ATP1A1: variants seen among roughly 807,000 people sequenced by gnomAD.
ATP1A1 encodes the protein ATPase Na+/K+ transporting subunit alpha 1, also known as sodium/potassium-transporting ATPase subunit alpha-1.
ATP1A1 carries 14 observed loss-of-function variants against 114.8 expected under a neutral mutation model. The ratio of observed to expected loss-of-function variants is 0.12; its 90% CI spans 0.08 to 0.19. The LOEUF (loss-of-function observed/expected upper bound fraction) is 0.19. Among genes scored for constraint, ATP1A1 ranks in the 10% least tolerant of loss-of-function variants. The pLI is 1.00. For synonymous variants in ATP1A1, 471 were observed against 466.3 expected, an observed-to-expected ratio of 1.01 and a Z score of -0.13; for missense variants, 524 against 1,290.7, an observed-to-expected ratio of 0.41 and a Z score of 9.10.
At position 116,399,562 on chromosome 1, in the gene ATP1A1, TGGG is replaced by T; in HGVS notation, c.2572+20_2572+22del. ...CAGATTGGTAAGCTGCAGCCTGGAG[TGGG>T]AAGCTGGCACATCTAAGGCATCTGA... On this transcript the variant is annotated intron_variant, in intron 18 of 22. Transcript: ENST00000295598. The surrounding 1 kb of genome is among the most constrained non-coding windows in gnomAD (Gnocchi z 5.0). 6.2e-7 allele frequency: 1 copy of T among 1,613,256 alleles called. No individual in the cohort carries two copies. The highest frequency in any genetic ancestry group is 8.5e-7 in the Non-Finnish European group (1 of 1,179,704).
At chr1:116,383,049 A>G (rs981701403) in intron 1 of ATP1A1, among the ~76,000 whole-genome samples, 1 of 152,180 alleles carries the variant, frequency 6.6e-6, no homozygotes, top group Non-Finnish European at 1.5e-5. Flanking sequence ...GGATTTTTCA[A>G]CAGGGGTGGG....
At chr1:116,391,791 T>C (rs1368569161) in intron 10 of ATP1A1, among the ~76,000 whole-genome samples, 1 of 152,170 alleles carries the variant, frequency 6.6e-6, no homozygotes, top group Non-Finnish European at 1.5e-5. Context: ...AAAGTGGAAA[T>C]GTTCTAGGCT....
chr1:116,402,680 C>T (rs1653597596), intron 21 of ATP1A1, among the ~76,000 whole-genome samples: 1 of 152,198 alleles, frequency 6.6e-6, no homozygotes, highest in Non-Finnish European at 1.5e-5. Flanking sequence ...TCTTCCTCTG[C>T]CTTTGTGTTT....
rs902298236 is a variant in ATP1A1, at chr1:116,395,838, G to A, written c.1836+553G>A. On this transcript the variant is annotated intron_variant, in intron 13 of 22. Coordinates refer to ENST00000295598, the MANE Select transcript of ATP1A1 (RefSeq NM_000701.8). This position sits in a 1 kb window ranked among gnomAD's most constrained non-coding sequence, Gnocchi z 6.4. ...ACGATCTCGGCTCACTGCAACCTCC[G>A]CCTCCCAGGTTCAAGCAATTCTCCT... is the stretch of plus-strand genomic sequence containing the variant. Among the ~76,000 whole-genome samples, 4 of 151,938 alleles carry A rather than the reference G, an allele frequency of 2.6e-5. No individual in the cohort carries two copies. Among genetic ancestry groups the A allele is most frequent in the Non-Finnish European group, 5.9e-5 (4 of 67,972 alleles).
At chr1:116,377,542 C>T (rs951411226) in intron 1 of ATP1A1, among the ~76,000 whole-genome samples, 1 of 152,224 alleles carries the variant, frequency 6.6e-6, no homozygotes, top group African/African-American at 2.4e-5. Context: ...AAGCAAATCT[C>T]CTGTTTAATA....
rs1350963255 is a variant in ATP1A1, at chr1:116,398,430, A to C, written c.2125-191A>C. On this transcript the variant is annotated intron_variant, in intron 15 of 22. Transcript: ENST00000295598. This position sits in a 1 kb window ranked among gnomAD's most constrained non-coding sequence, Gnocchi z 6.1. ...AATGCTGGGGGCTATGTTTGTTGTC[A>C]CTTCTCAGTTCTGTTATTTGGTGTA... Among the ~76,000 whole-genome samples, 3 of 152,076 alleles carry C rather than the reference A, an allele frequency of 2.0e-5. No homozygotes were observed. The highest frequency in any genetic ancestry group is 4.4e-5 in the Non-Finnish European group (3 of 68,014).
rs1252478023 is a variant in ATP1A1, at chr1:116,390,360, A to G, written c.1171A>G (p.Met391Val). The change falls in exon 9 of 23, where the codon ATG becomes GTG. Residue 391 changes from methionine to valine, a missense_variant. Around this residue, in one of 8 missense-constraint regions of ATP1A1, gnomAD observed 143 missense variants for 259.3 expected, o/e 0.55. Transcript: ENST00000295598. ...TCAGAACCGGATGACAGTGGCCCAC[A>G]TGTGGTTTGACAATCAAATCCATGA... Reference protein sequence around the residue: ...LTQNRMTVAHMWFDNQIHEAD... With the variant: ...LTQNRMTVAHVWFDNQIHEAD... 3 of 1,614,028 alleles carry G rather than the reference A, an allele frequency of 1.9e-6. No homozygotes were observed. Among genetic ancestry groups the G allele is most frequent in the South Asian group, 1.1e-5 (1 of 91,088 alleles).
Position 116,390,427 on chromosome 1 carries a change from CCA to C in ATP1A1, c.1222+22_1222+23del, listed in dbSNP as rs1376968315. 3 of 1,609,698 alleles carry C rather than the reference CCA, an allele frequency of 1.9e-6. No homozygotes were observed. Among genetic ancestry groups the C allele is most frequent in the Non-Finnish European group, 2.5e-6 (3 of 1,176,584 alleles). On this transcript the variant is annotated intron_variant, in intron 9 of 22. Transcript: ENST00000295598. ...AATCAGAGTGGTAAGGCCAGGGTTA[CCA>C]CACACCTCAGCCACCTGCTGACTTC...
chr1:116,403,819 A>G lies in ATP1A1; in HGVS notation c.2952-65A>G, dbSNP rs995342661. Reference sequence around the variant, plus strand: ...ATTTCATTGTCACTGGTGATGTGCAATTTCTCTTTCTTTATTTGAACTGTG... The same window carrying G: ...ATTTCATTGTCACTGGTGATGTGCAGTTTCTCTTTCTTTATTTGAACTGTG... On this transcript the variant is annotated intron_variant, in intron 21 of 22. Coordinates refer to ENST00000295598, the MANE Select transcript of ATP1A1 (RefSeq NM_000701.8). 4.7e-5 allele frequency: 66 copies of G among 1,404,836 alleles called. No homozygotes were observed. The Middle Eastern group carries it at 5.4e-4, about 12-fold the overall frequency. 87.0% of individuals were successfully genotyped at this position (1,404,836 alleles called of 1,614,324 possible). A position where few individuals can be genotyped will look rare whatever the true frequency, so the allele number is the denominator to read the frequency against.
Position 116,399,840 on chromosome 1 carries a change from A to C in ATP1A1, c.2572+297A>C, listed in dbSNP as rs1196039891. 1.3e-5 allele frequency among the ~76,000 whole-genome samples: 2 copies of C among 152,206 alleles called. No individual in the cohort carries two copies. Among genetic ancestry groups the C allele is most frequent in the African/African-American group, 4.8e-5 (2 of 41,452 alleles). On this transcript the variant is annotated intron_variant, in intron 18 of 22. Coordinates refer to ENST00000295598, the MANE Select transcript of ATP1A1 (RefSeq NM_000701.8). This position sits in a 1 kb window ranked among gnomAD's most constrained non-coding sequence, Gnocchi z 5.0. ...TGTCCTTCCTCACTGAGCCTTGCGG[A>C]ACAGGAGGCATGGTTCTAAGGAATT... is the stretch of plus-strand genomic sequence containing the variant.
Position 116,399,146 on chromosome 1 carries a change from G to C in ATP1A1, c.2448+62G>C. ...GGTGTGAGCTGTGTCTTCATTCACT[G>C]GCACTATGCTCCCAGCATCCATGAG... is the stretch of plus-strand genomic sequence containing the variant. On this transcript the variant is annotated intron_variant, in intron 17 of 22. Transcript: ENST00000295598. The surrounding 1 kb of genome is among the most constrained non-coding windows in gnomAD (Gnocchi z 5.0). 6.2e-7 allele frequency: 1 copy of C among 1,602,452 alleles called. No homozygotes were observed. Among genetic ancestry groups the C allele is most frequent in the East Asian group, 2.2e-5 (1 of 44,678 alleles).
intron 1 of ATP1A1, among the ~76,000 whole-genome samples, chr1:116,374,686 G>A (rs1287778430): frequency 6.6e-6 from 1 of 152,198 alleles, no homozygotes; most frequent in African/African-American, 2.4e-5. Context: ...AATAACCTCG[G>A]AGTTCATGGG....
In ATP1A1 at chr1:116,404,325, C is replaced by T; in HGVS notation, c.3044-91C>T. ...TAACACACCCGACCCCCATCATCCT[C>T]CGGTTGGTTTTCATCCCTGTTTCCC... is the stretch of plus-strand genomic sequence containing the variant. On this transcript the variant is annotated intron_variant, in intron 22 of 22. Transcript: ENST00000295598. The surrounding 1 kb of genome is among the most constrained non-coding windows in gnomAD (Gnocchi z 4.8). 1 of 1,516,208 alleles carries T rather than the reference C, an allele frequency of 6.6e-7. No homozygotes were observed. 93.9% of individuals were successfully genotyped at this position (1,516,208 alleles called of 1,614,324 possible).
chr1:116,393,152 A>C lies in ATP1A1; in HGVS notation c.1467+164A>C. 1.9e-6 allele frequency: 2 copies of C among 1,054,748 alleles called. No individual in the cohort carries two copies. Among genetic ancestry groups the C allele is most frequent in the Non-Finnish European group, 1.3e-6 (1 of 748,810 alleles). The allele number at this position is 1,054,748 out of a possible 1,614,324, so 65.3% of individuals were successfully genotyped here. A position where few individuals can be genotyped will look rare whatever the true frequency, so the allele number is the denominator to read the frequency against. On this transcript the variant is annotated intron_variant, in intron 11 of 22. Transcript: ENST00000295598. The surrounding 1 kb of genome is among the most constrained non-coding windows in gnomAD (Gnocchi z 5.0). ...GAATGCCATAATTTAGTTGAATATC[A>C]GCAGGATAAATGAAGCCTCTTGCAA...
At chr1:116,379,964 C>T (rs1373991658) in intron 1 of ATP1A1, among the ~76,000 whole-genome samples, 2 of 152,222 alleles carry the variant, frequency 1.3e-5, no homozygotes, top group Non-Finnish European at 2.9e-5. Flanking sequence ...TTCTTGGCAA[C>T]TCCGAAATGG....
Position 116,384,824 on chromosome 1 carries a change from T to C in ATP1A1, c.165T>C (p.Tyr55=), listed in dbSNP as rs566640605. ...GCCTTGATGAACTTCATCGTAAATATGGAACAGACTTGAGCCGGGTATGTT... is the reference window on the plus strand; with the variant it reads ...GCCTTGATGAACTTCATCGTAAATACGGAACAGACTTGAGCCGGGTATGTT... The part of the protein sequence containing the change: ...KLSLDELHRK[Y]GTDLSRGLTS... The change falls in exon 3 of 23, where the codon TAT becomes TAC. Residue 55 remains tyrosine (Y), a synonymous_variant. Coordinates refer to ENST00000295598, the MANE Select transcript of ATP1A1 (RefSeq NM_000701.8). This position sits in a 1 kb window ranked among gnomAD's most constrained non-coding sequence, Gnocchi z 5.1. 1.4e-5 allele frequency: 22 copies of C among 1,613,356 alleles called. No individual in the cohort carries two copies. Among genetic ancestry groups the C allele is most frequent in the Admixed American group, 1.2e-4 (7 of 59,848 alleles).
rs1380390773 is a variant in ATP1A1, at chr1:116,387,324, C to A, written c.220C>A (p.Arg74=). ...TSARAAEILA[R]DGPNALTPPP... ...TGCTCGTGCAGCTGAGATCCTGGCGCGAGATGGTCCCAACGCCCTCACTCC... is the reference window on the plus strand; with the variant it reads ...TGCTCGTGCAGCTGAGATCCTGGCGAGAGATGGTCCCAACGCCCTCACTCC... The change falls in exon 4 of 23, where the codon CGA becomes AGA. Residue 74 remains arginine (R), a synonymous_variant. Coordinates refer to ENST00000295598, the MANE Select transcript of ATP1A1 (RefSeq NM_000701.8). The surrounding 1 kb of genome is among the most constrained non-coding windows in gnomAD (Gnocchi z 6.7). The A allele has an allele frequency of 4.3e-6, 7 of 1,614,050 alleles. No individual in the cohort carries two copies. The African/African-American group carries it at 9.3e-5, about 22-fold the overall frequency.
Position 116,383,999 on chromosome 1 carries a change from C to T in ATP1A1, c.13-15C>T. 2 of 1,605,544 alleles carry T rather than the reference C, an allele frequency of 1.2e-6. No homozygotes were observed. The highest frequency in any genetic ancestry group is 1.7e-6 in the Non-Finnish European group (2 of 1,175,270). ...TCATAATTCATGGCCTCACTTTTCC[C>T]ACATTCTCCTACAGGTTGGACGTGA... On this transcript the variant is annotated splice_polypyrimidine_tract_variant and intron_variant, in intron 1 of 22. Coordinates refer to ENST00000295598, the MANE Select transcript of ATP1A1 (RefSeq NM_000701.8).
In ATP1A1 at chr1:116,399,604, AC is replaced by A; in HGVS notation, c.2572+63del. ...TAAGGCATCTGAGGTGATGGTGTCC[AC>A]CTCAGGTTGAGGTTGATTTCAGAGA... On this transcript the variant is annotated intron_variant, in intron 18 of 22. Transcript: ENST00000295598. This position sits in a 1 kb window ranked among gnomAD's most constrained non-coding sequence, Gnocchi z 5.0. 1 of 1,602,798 alleles carries A rather than the reference AC, an allele frequency of 6.2e-7. No individual in the cohort carries two copies. The highest frequency in any genetic ancestry group is 1.3e-5 in the African/African-American group (1 of 74,772).
Sources: allele counts gnomAD v4.1 joint callset (sites outside exome capture counted in the v4.1 genomes callset), GRCh38; gene constraint gnomAD v4.1.1; regional missense constraint gnomAD v4.1.1; non-coding constraint Gnocchi (gnomAD v3.1); transcripts MANE v1.5; gene names NCBI Gene and HGNC (gene_info 2026-07-23, HGNC 2026-07-21).